Variants in FRRS1 observed in about 807,000 individuals in gnomAD.
The protein encoded by FRRS1 is ferric reductase 1.
Under a neutral mutation model 70.7 loss-of-function variants are expected in FRRS1, and 51 were observed. The observed-to-expected ratio is 0.72, with a 90% CI of 0.58 to 0.91. The LOEUF is 0.91. FRRS1 is among the 40% of genes least tolerant of loss of function. FRRS1 has a pLI of 0.00. For missense variants in FRRS1, 672 were observed against 726.0 expected, an observed-to-expected ratio of 0.93 and a Z score of 0.86; for synonymous variants, 225 against 238.7, an observed-to-expected ratio of 0.94 and a Z score of 0.53.
At chr1:99,726,508 C>G (rs1308202349) in intron 9 of FRRS1, among the ~76,000 whole-genome samples, 1 of 152,126 alleles carries the variant, frequency 6.6e-6, no homozygotes, top group African/African-American at 2.4e-5. Flanking sequence ...TACTAGGTCC[C>G]AGTTTCCTTA....
At chr1:99,731,888 A>T (rs1655407338) in intron 7 of FRRS1, among the ~76,000 whole-genome samples, 1 of 152,120 alleles carries the variant, frequency 6.6e-6, no homozygotes, top group African/African-American at 2.4e-5. Flanking sequence ...CTGGTCTTGA[A>T]ATCTTGGGCT....
chr1:99,708,695 T>G lies in FRRS1; in HGVS notation c.*333A>C. ...ATATCTCTTTATTATCCTAGTGACATCTGTTGTGATTTTCCAAATCACTAT... is the reference window on the plus strand; with the variant it reads ...ATATCTCTTTATTATCCTAGTGACAGCTGTTGTGATTTTCCAAATCACTAT... On this transcript the variant is annotated 3_prime_UTR_variant, in exon 17 of 17. Coordinates refer to ENST00000646001, the MANE Select transcript of FRRS1 (RefSeq NM_001361041.2). 3.1e-6 allele frequency: 1 copy of G among 326,612 alleles called. No individual in the cohort carries two copies. Among genetic ancestry groups the G allele is most frequent in the Non-Finnish European group, 5.6e-6 (1 of 179,274 alleles). 20.2% of individuals were successfully genotyped at this position (326,612 alleles called of 1,614,324 possible). A position where few individuals can be genotyped will look rare whatever the true frequency, so the allele number is the denominator to read the frequency against.
At chr1:99,737,933 G>C (rs1655753486) in intron 7 of FRRS1, among the ~76,000 whole-genome samples, 153 bp downstream of exon 7, 1 of 152,126 alleles carries the variant, frequency 6.6e-6, no homozygotes, top group Non-Finnish European at 1.5e-5. Flanking sequence ...AGTAGAGGTG[G>C]GGTTTCACCA....
At chr1:99,762,706 T>C (rs1242423207) in intron 1 of FRRS1, among the ~76,000 whole-genome samples, 1 of 152,172 alleles carries the variant, frequency 6.6e-6, no homozygotes, top group Non-Finnish European at 1.5e-5. Flanking sequence ...AACCTCACTT[T>C]CCTAATCTGA....
intron 7 of FRRS1, among the ~76,000 whole-genome samples, chr1:99,735,762 T>G (rs565999836): frequency 1.3e-5 from 2 of 152,356 alleles, no homozygotes; most frequent in African/African-American, 4.8e-5. Context: ...AATGCTTTTG[T>G]GCCATCAATG....
chr1:99,709,228 G>T lies in FRRS1; in HGVS notation c.1656C>A (p.Ile552=). 6.2e-7 allele frequency: 1 copy of T among 1,609,846 alleles called. No individual in the cohort carries two copies. Among genetic ancestry groups the T allele is most frequent in the Non-Finnish European group, 8.5e-7 (1 of 1,176,286 alleles). Residue 552 remains isoleucine, a synonymous_variant, in exon 16 of 17, where the codon ATC becomes ATA. Transcript: ENST00000646001. ...VEILDDDRIQ[I]LQSFTAVETE... is the part of the protein sequence containing the mutation. Reference sequence around the variant, plus strand: ...TTTCCACTGCAGTAAATGACTGAAGGATCTGAATTCTGTCATCATCCAATA... The same window carrying T: ...TTTCCACTGCAGTAAATGACTGAAGTATCTGAATTCTGTCATCATCCAATA...
intron 6 of FRRS1, among the ~76,000 whole-genome samples, chr1:99,739,100 C>G (rs184021763): frequency 6.6e-6 from 1 of 152,272 alleles, no homozygotes; most frequent in East Asian, 1.9e-4. Flanking sequence ...GAAACTTGGA[C>G]TTTGGTCTCT....
At chr1:99,740,712 A>T in intron 6 of FRRS1, 81 bp downstream of exon 6, 1 of 920,882 alleles carries the variant, frequency 1.1e-6, no homozygotes, top group Non-Finnish European at 1.8e-6. Context: ...CAGGAGGATC[A>T]CTTGAGCTCA....
intron 1 of FRRS1, among the ~76,000 whole-genome samples, chr1:99,751,920 T>G (rs1416231): frequency 0.49 from 75,249 of 152,090 alleles, 22,646 homozygotes; most frequent in African/African-American, 0.85. Context: ...ATAATTATTT[T>G]TATATGTTTA....
chr1:99,711,486 C>T (rs879264495), intron 14 of FRRS1: 1 of 152,928 alleles, frequency 6.5e-6, no homozygotes, highest in South Asian at 2.1e-4. Context: ...GCGTAATCTA[C>T]CAATCCTTAA....
At chr1:99,749,058 A>G in intron 1 of FRRS1, 57 bp from the exon 2 acceptor site, 1 of 244,768 alleles carries the variant, frequency 4.1e-6, no homozygotes, top group South Asian at 6.2e-5. Context: ...TTCTCGAGAC[A>G]TAGATCTCGC....
intron 1 of FRRS1, among the ~76,000 whole-genome samples, chr1:99,754,759 G>T (rs770136094): frequency 6.6e-6 from 1 of 152,098 alleles, no homozygotes; most frequent in Non-Finnish European, 1.5e-5. Flanking sequence ...AGTGCTTAAC[G>T]GGAAATTTAC....
At chr1:99,732,772 T>C (rs915104843) in intron 7 of FRRS1, among the ~76,000 whole-genome samples, 4 of 152,084 alleles carry the variant, frequency 2.6e-5, no homozygotes, top group Non-Finnish European at 5.9e-5. Flanking sequence ...AAGAACAGTT[T>C]TTCTATAATT....
intron 1 of FRRS1, among the ~76,000 whole-genome samples, chr1:99,756,477 A>C (rs1001628160): frequency 1.3e-5 from 2 of 152,208 alleles, no homozygotes; most frequent in African/African-American, 4.8e-5. Flanking sequence ...ATGTAAATAC[A>C]AAATTCTTGT....
At chr1:99,721,864 T>C (rs1334748055) in intron 9 of FRRS1, among the ~76,000 whole-genome samples, 1 of 152,120 alleles carries the variant, frequency 6.6e-6, no homozygotes, top group Non-Finnish European at 1.5e-5. Flanking sequence ...CCCAAAGTGC[T>C]GGGATAATAG....
Position 99,717,496 on chromosome 1 carries a change from T to C in FRRS1, c.1150A>G (p.Thr384Ala), listed in dbSNP as rs763596902. The C allele has an allele frequency of 3.1e-6, 5 of 1,613,776 alleles. No individual in the cohort carries two copies. Among genetic ancestry groups the C allele is most frequent in the South Asian group, 1.1e-5 (1 of 91,070 alleles). ...GALMFVAWMT[T>A]VSIGVLVARF... ...GCAACCAGTACACCTATGCTAACAG[T>C]AGTCATCCATGCCACAAACATTAAG... Residue 384 changes from threonine (T) to alanine (A), a missense_variant, in exon 11 of 17, where the codon ACT becomes GCT. Physicochemically the swap from Thr to Ala is moderately conservative, Grantham distance 58. Coordinates refer to ENST00000646001, the MANE Select transcript of FRRS1 (RefSeq NM_001361041.2).
intron 7 of FRRS1, among the ~76,000 whole-genome samples, chr1:99,730,690 AC>A (rs1358739185): frequency 3.3e-5 from 5 of 152,028 alleles, no homozygotes; most frequent in South Asian, 2.1e-4. Flanking sequence ...ACATGGTGAA[AC>A]CCCGTCTCTA....
At chr1:99,724,087 G>A (rs1270963924) in intron 9 of FRRS1, among the ~76,000 whole-genome samples, 3 of 152,178 alleles carry the variant, frequency 2.0e-5, no homozygotes, top group Non-Finnish European at 2.9e-5. Context: ...AGACAAGTTG[G>A]AAGAAAATGT....
chr1:99,715,085 G>A (rs1030640913), intron 12 of FRRS1, among the ~76,000 whole-genome samples: 25 of 152,000 alleles, frequency 1.6e-4, no homozygotes, highest in African/African-American at 6.0e-4. Context: ...TCGAATTCCT[G>A]AGCTCAAGCA....
Sources: allele counts gnomAD v4.1 joint callset (sites outside exome capture counted in the v4.1 genomes callset), GRCh38; gene constraint gnomAD v4.1.1; transcripts MANE v1.5; gene names NCBI Gene and HGNC (gene_info 2026-07-23, HGNC 2026-07-21).